AGTPBP1: variants seen among roughly 807,000 people sequenced by gnomAD.
AGTPBP1 encodes ATP/GTP binding carboxypeptidase 1.
In AGTPBP1, 70 loss-of-function variants were observed where a neutral mutation model predicts 143.9. That is an observed-to-expected ratio of 0.49 (90% CI 0.40 to 0.59). AGTPBP1 has a LOEUF of 0.59. Ranked by LOEUF, AGTPBP1 falls within the 20% of genes least tolerant of loss-of-function variation. The pLI is 0.00. For synonymous variants in AGTPBP1, 463 were observed against 500.2 expected (o/e 0.93, Z 0.99); for missense variants, 1,229 against 1,464.5 (o/e 0.84, Z 2.62).
chr9:85,646,302 TACAGA>T lies in AGTPBP1; in HGVS notation c.1185+14_1185+18del, dbSNP rs753099561. On this transcript the variant is annotated intron_variant, in intron 12 of 25. Transcript: ENST00000357081. The stretch of plus-strand genomic sequence containing the variant: ...TATATCATTTATAAAGCTAACTAAT[TACAGA>T]AATTTATACTAACCTTAAAATTTTG... 3.2e-6 allele frequency: 5 copies of T among 1,580,570 alleles called. No individual in the cohort carries two copies. The African/African-American group carries it at 6.7e-5, about 21-fold the overall frequency.
chr9:85,603,121 T>C (rs958298638), intron 17 of AGTPBP1, among the ~76,000 whole-genome samples: 1 of 152,142 alleles, frequency 6.6e-6, no homozygotes, highest in African/African-American at 2.4e-5. Flanking sequence ...CCTGGTGCTA[T>C]GCTGGGCTCA....
At chr9:85,779,176 TATATAGATATAGATATAG>T in the AGTPBP1 span, among the ~76,000 whole-genome samples, 13,403 of 133,548 alleles carry the variant, frequency 0.1, 683 homozygotes, top group Non-Finnish European at 0.11. Flanking sequence ...TAATAGGAGA[TATATAGATATAGATATAG>T]ATATAGATAT....
At chr9:85,596,315 C>G (rs781644979) in intron 18 of AGTPBP1, 47 bp downstream of exon 18, 42 of 1,319,234 alleles carry the variant, frequency 3.2e-5, no homozygotes, top group Non-Finnish European at 4.1e-5. Context: ...GTACTTAATA[C>G]TGCCTTCTGT....
the AGTPBP1 span, among the ~76,000 whole-genome samples, chr9:85,760,144 A>G: frequency 1.3e-5 from 2 of 152,226 alleles, no homozygotes; most frequent in Non-Finnish European, 1.5e-5. Flanking sequence ...ACCAACCGAA[A>G]AAAGTCCAGG....
chr9:85,763,446 T>C, the AGTPBP1 span, among the ~76,000 whole-genome samples: 2 of 151,454 alleles, frequency 1.3e-5, no homozygotes, highest in African/African-American at 4.9e-5. Context: ...AATGAAAAAG[T>C]GTTGAGGAAT....
rs574875693 is a variant in AGTPBP1, at chr9:85,734,026, G to A, written c.-34+7749C>T. ...CCCAGCACTTTGGGAGGCCAAGGTG[G>A]GCGGATCACAAGGTCAAGAGATCGA... is the stretch of plus-strand genomic sequence containing the variant. On this transcript the variant is annotated intron_variant, in intron 1 of 25. Transcript: ENST00000357081. 7.9e-5 allele frequency among the ~76,000 whole-genome samples: 12 copies of A among 152,286 alleles called. No individual in the cohort carries two copies. In the East Asian group the frequency reaches 2.1e-3, roughly 27 times the overall value.
At chr9:85,741,413 G>C (rs577351139) in intron 1 of AGTPBP1, 1 of 985,260 alleles carries the variant, frequency 1.0e-6, no homozygotes, top group South Asian at 4.7e-5. Context: ...TGGACTCCCC[G>C]CGGCGCCGCG....
chr9:85,741,232 G>A (rs117725748), intron 1 of AGTPBP1: 22,441 of 985,434 alleles, frequency 0.023, 270 homozygotes, highest in Non-Finnish European at 0.025. Context: ...CCAGCGAGAG[G>A]AAGCAAACGT....
chr9:85,644,672 A>G (rs1284890026), intron 12 of AGTPBP1, among the ~76,000 whole-genome samples: 1 of 152,170 alleles, frequency 6.6e-6, no homozygotes, highest in Admixed American at 6.5e-5. Context: ...AGTTGTGGCT[A>G]GCTGGAGATG....
the AGTPBP1 span, among the ~76,000 whole-genome samples, chr9:85,777,778 C>T: frequency 6.6e-6 from 1 of 152,214 alleles, no homozygotes; most frequent in South Asian, 2.1e-4. Context: ...CCAGCCAAAC[C>T]ACTGGCTACA....
At chr9:85,626,674 G>C (rs1028857509) in intron 14 of AGTPBP1, among the ~76,000 whole-genome samples, 1 of 147,544 alleles carries the variant, frequency 6.8e-6, no homozygotes, top group Non-Finnish European at 1.5e-5. Context: ...GGCTACAGGG[G>C]TCAGCAAACT....
intron 24 of AGTPBP1, among the ~76,000 whole-genome samples, chr9:85,576,298 T>A (rs913360493): frequency 6.6e-6 from 1 of 151,972 alleles, no homozygotes; most frequent in Non-Finnish European, 1.5e-5. Flanking sequence ...ACAGCTGATA[T>A]CAATTCAAGA....
At chr9:85,724,152 T>G (rs1446265326) in intron 1 of AGTPBP1, among the ~76,000 whole-genome samples, 2 of 151,692 alleles carry the variant, frequency 1.3e-5, no homozygotes, top group Non-Finnish European at 2.9e-5. Flanking sequence ...CCGGGTGTGG[T>G]GGTGAGTACT....
chr9:85,724,935 A>G (rs1157174152), intron 1 of AGTPBP1, among the ~76,000 whole-genome samples: 1 of 152,234 alleles, frequency 6.6e-6, no homozygotes, highest in East Asian at 1.9e-4. Context: ...ATTTTTAAAA[A>G]TCCAGTAATA....
At chr9:85,551,175 G>A (rs1414972559) in intron 25 of AGTPBP1, among the ~76,000 whole-genome samples, 1 of 152,064 alleles carries the variant, frequency 6.6e-6, no homozygotes, top group Non-Finnish European at 1.5e-5. Context: ...ACAGCCTGCA[G>A]AACCACCAGC....
At chr9:85,755,876 C>A in the AGTPBP1 span, among the ~76,000 whole-genome samples, 1 of 152,110 alleles carries the variant, frequency 6.6e-6, no homozygotes, top group African/African-American at 2.4e-5. Flanking sequence ...AATTTTAATT[C>A]TTTATAAAAC....
chr9:85,570,743 A>G (rs966746012), intron 25 of AGTPBP1, among the ~76,000 whole-genome samples: 2 of 152,208 alleles, frequency 1.3e-5, no homozygotes, highest in Non-Finnish European at 2.9e-5. Context: ...ATGACTCATT[A>G]ATAGAACATA....
At chr9:85,600,090 C>T (rs551441074) in intron 17 of AGTPBP1, among the ~76,000 whole-genome samples, 13 of 152,232 alleles carry the variant, frequency 8.5e-5, no homozygotes, top group Admixed American at 2.6e-4. Context: ...GCCTGGCATA[C>T]GGCAAATATT....
At chr9:85,761,722 T>C in the AGTPBP1 span, among the ~76,000 whole-genome samples, 1 of 152,144 alleles carries the variant, frequency 6.6e-6, no homozygotes, top group African/African-American at 2.4e-5. Context: ...GGGCAAGGAC[T>C]TCATGTCTAA....
Sources: gnomAD v4.1 joint callset for allele counts (sites outside exome capture counted in the v4.1 genomes callset) on GRCh38, gnomAD v4.1.1 for gene constraint, MANE v1.5 for transcripts, NCBI Gene and HGNC (gene_info 2026-07-23, HGNC 2026-07-21) for gene names.